The following SPX variants were observed in gnomAD, a reference collection of about 807,000 sequenced individuals.
SPX encodes the protein spexin hormone.
SPX carries 22 observed loss-of-function variants against 19.2 expected under a neutral mutation model. The ratio of observed to expected loss-of-function variants is 1.15; its 90% CI spans 0.82 to 1.64. The LOEUF is 1.64. SPX is among the 40% of genes most tolerant of loss of function. The pLI is 0.00. For synonymous variants in SPX, 50 were observed against 53.3 expected (o/e 0.94, Z 0.27); for missense variants, 143 against 137.7 (o/e 1.04, Z -0.19).
intron 5 of SPX, among the ~76,000 whole-genome samples, chr12:21,530,137 A>T (rs921676772): frequency 6.6e-6 from 1 of 152,340 alleles, no homozygotes; most frequent in South Asian, 2.1e-4. Flanking sequence ...TCTGAAGATG[A>T]AATGACTAAT....
rs112067025 is a variant in SPX at position 21,526,883 on chromosome 12, T to C, written c.7-3T>C. ...ACCCTTTCTGGTTGATCGCTTCATA[T>C]AGGGACTCAGAAGTCTGGCAGCAAC... is the stretch of plus-strand genomic sequence containing the variant. On this transcript the variant is annotated splice_region_variant and splice_polypyrimidine_tract_variant and intron_variant, in intron 1 of 5. Transcript: ENST00000256969. The C allele has an allele frequency of 6.8e-5, 110 of 1,613,974 alleles. 1 individual carries two copies. In the African/African-American group the frequency reaches 8.5e-4, roughly 13 times the overall value.
chr12:21,527,036 CCTT>C, intron 2 of SPX, 70 bp downstream of exon 2: 1 of 1,586,520 alleles, frequency 6.3e-7, no homozygotes, highest in Admixed American at 1.7e-5. Context: ...TTTCTTTCTT[CCTT>C]CTTGTTTTAT....
intron 3 of SPX, 161 bp from the exon 4 acceptor site, chr12:21,527,566 G>C (rs1374707039): frequency 1.4e-6 from 1 of 716,890 alleles, no homozygotes; most frequent in East Asian, 2.7e-5. Context: ...CCGGGGTTGC[G>C]CTGGGAGCGC....
intron 5 of SPX, 47 bp from the exon 6 acceptor site, chr12:21,531,090 A>T: frequency 8.6e-7 from 1 of 1,156,284 alleles, no homozygotes; most frequent in Non-Finnish European, 1.2e-6. Context: ...TTCCTCTATT[A>T]AAACGCAGAG....
At chr12:21,529,163 C>A in intron 5 of SPX, 79 bp downstream of exon 5, 2 of 1,367,478 alleles carry the variant, frequency 1.5e-6, no homozygotes, top group Admixed American at 1.8e-5. Flanking sequence ...GAGTGCAACA[C>A]CCCTCCCCCA....
At chr12:21,526,537 C>T in intron 1 of SPX, 59 bp downstream of exon 1, 8 of 1,476,274 alleles carry the variant, frequency 5.4e-6, no homozygotes, top group Non-Finnish European at 7.5e-6. Context: ...CGTTTTATAG[C>T]ATTTTACCTA....
At chr12:21,530,441 A>C (rs911650989) in intron 5 of SPX, among the ~76,000 whole-genome samples, 4 of 152,204 alleles carry the variant, frequency 2.6e-5, no homozygotes, top group African/African-American at 9.6e-5. Context: ...AACTAACTGA[A>C]AGAATGTGCT....
chr12:21,531,029 T>C (rs1342888563), intron 5 of SPX, 108 bp from the exon 6 acceptor site: 1 of 717,568 alleles, frequency 1.4e-6, no homozygotes, highest in African/African-American at 1.8e-5. Context: ...TAAGTTAACA[T>C]AGCTTAGAAG....
In SPX at chr12:21,526,316, TG is replaced by T; in HGVS notation, c.-156del. On this transcript the variant is annotated 5_prime_UTR_variant, in exon 1 of 6. Coordinates refer to ENST00000256969, the MANE Select transcript of SPX (RefSeq NM_030572.4). ...GAGTCATCAGATTCTCAATCTTGCTTGAAGACTGACAAGATGTCCCTGTGGA... is the reference window on the plus strand; with the variant it reads ...GAGTCATCAGATTCTCAATCTTGCTTAAGACTGACAAGATGTCCCTGTGGA... The T allele has an allele frequency of 1.8e-6, 1 of 560,614 alleles. No individual in the cohort carries two copies. Among genetic ancestry groups the T allele is most frequent in the Admixed American group, 3.1e-5 (1 of 31,746 alleles). 34.7% of individuals were successfully genotyped at this position (560,614 alleles called of 1,614,324 possible).
Position 21,526,367 on chromosome 12 carries a change from G to C in SPX, c.-106G>C, listed in dbSNP as rs532132415. On this transcript the variant is annotated 5_prime_UTR_variant, in exon 1 of 6. Coordinates refer to ENST00000256969, the MANE Select transcript of SPX (RefSeq NM_030572.4). ...ACTCCCAAACTCTACTCCAGATGGG[G>C]AGGTGCCCTTAACACCAAGATTTTA... The C allele has an allele frequency of 3.3e-5, 35 of 1,053,280 alleles. No homozygotes were observed. In the South Asian group the frequency reaches 5.1e-4, roughly 15 times the overall value. The allele number at this position is 1,053,280 out of a possible 1,614,324, so 65.2% of individuals were successfully genotyped here.
intron 5 of SPX, among the ~76,000 whole-genome samples, chr12:21,529,289 A>G (rs565440449): frequency 6.6e-6 from 1 of 152,240 alleles, no homozygotes; most frequent in South Asian, 2.1e-4. Context: ...CAGGTTTGAA[A>G]ACAGGAACTT....
At chr12:21,527,916 C>A in intron 4 of SPX, 127 bp downstream of exon 4, 2 of 1,079,448 alleles carry the variant, frequency 1.9e-6, no homozygotes, top group Non-Finnish European at 2.6e-6. Flanking sequence ...CTCTGAGGCG[C>A]CCTCAGATAC....
rs1363147225 is a variant in SPX at position 21,526,356 on chromosome 12, C to T, written c.-117C>T. The T allele has an allele frequency of 3.2e-6, 3 of 923,818 alleles. No individual in the cohort carries two copies. The highest frequency in any genetic ancestry group is 2.6e-5 in the East Asian group (1 of 38,854). The allele number at this position is 923,818 out of a possible 1,614,324, so 57.2% of individuals were successfully genotyped here. ...TGTCCCTGTGGACTCCCAAACTCTA[C>T]TCCAGATGGGGAGGTGCCCTTAACA... On this transcript the variant is annotated 5_prime_UTR_variant, in exon 1 of 6. Coordinates refer to ENST00000256969, the MANE Select transcript of SPX (RefSeq NM_030572.4).
chr12:21,527,714 C>A lies in SPX; in HGVS notation c.146-13C>A, dbSNP rs1295622519. 2 of 1,560,334 alleles carry A rather than the reference C, an allele frequency of 1.3e-6. No homozygotes were observed. The highest frequency in any genetic ancestry group is 1.7e-6 in the Non-Finnish European group (2 of 1,151,390). ...GCCAGGCTGTCGCTGAGCCCCAGGT[C>A]TCGTTTTTGCAGAGGGTCGCCGCTT... On this transcript the variant is annotated splice_polypyrimidine_tract_variant and intron_variant, in intron 3 of 5. Coordinates refer to ENST00000256969, the MANE Select transcript of SPX (RefSeq NM_030572.4).
At chr12:21,527,079 T>C (rs1490427418) in intron 2 of SPX, 56 bp from the exon 3 acceptor site, 4 of 1,594,398 alleles carry the variant, frequency 2.5e-6, no homozygotes, top group Admixed American at 3.3e-5. Flanking sequence ...TTTGCTGTAA[T>C]AGAGGACTGA....
rs774669278 is a variant in SPX, at chr12:21,528,994, T to C, written c.209-7T>C. ...AAGAGAATCTGTATACATTTTTGTT[T>C]CTGCAGAAAGACGAAGCCCAAATCC... On this transcript the variant is annotated splice_region_variant and splice_polypyrimidine_tract_variant and intron_variant, in intron 4 of 5. Transcript: ENST00000256969. The C allele has an allele frequency of 3.5e-5, 57 of 1,612,278 alleles. No homozygotes were observed. Among genetic ancestry groups the C allele is most frequent in the Middle Eastern group, 1.6e-4 (1 of 6,082 alleles).
chr12:21,529,048 A>G lies in SPX; in HGVS notation c.256A>G (p.Thr86Ala). The G allele has an allele frequency of 1.2e-6, 2 of 1,614,168 alleles. No homozygotes were observed. Among genetic ancestry groups the G allele is most frequent in the Non-Finnish European group, 1.7e-6 (2 of 1,180,024 alleles). ...PQLLTIPEAATILLASLQKSP... is the reference protein window; with the variant it reads ...PQLLTIPEAAAILLASLQKSP... Reference sequence around the variant, plus strand: ...ACTACTAACTATTCCGGAGGCAGCAACCATCTTACTGGCGTCCCTTCAGAA... The same window carrying G: ...ACTACTAACTATTCCGGAGGCAGCAGCCATCTTACTGGCGTCCCTTCAGAA... The change falls in exon 5 of 6, where the codon ACC (threonine) becomes GCC (alanine). Residue 86 changes from threonine to alanine, a missense_variant. Transcript: ENST00000256969.
intron 5 of SPX, 84 bp downstream of exon 5, chr12:21,529,168 C>T (rs1943841787): frequency 2.3e-6 from 3 of 1,325,036 alleles, no homozygotes; most frequent in Non-Finnish European, 3.2e-6. Context: ...CAACACCCCT[C>T]CCCCAGAATT....
At position 21,526,386 on chromosome 12, in the gene SPX, G is replaced by C; in HGVS notation, c.-87G>C. On this transcript the variant is annotated 5_prime_UTR_variant, in exon 1 of 6. Transcript: ENST00000256969. The stretch of plus-strand genomic sequence containing the variant: ...GATGGGGAGGTGCCCTTAACACCAA[G>C]ATTTTAAAAGCTCCAATTTCAGAGC... 7.1e-7 allele frequency: 1 copy of C among 1,409,994 alleles called. No individual in the cohort carries two copies. Among genetic ancestry groups the C allele is most frequent in the Non-Finnish European group, 9.7e-7 (1 of 1,027,082 alleles). 87.3% of individuals were successfully genotyped at this position (1,409,994 alleles called of 1,614,324 possible). A position where few individuals can be genotyped will look rare whatever the true frequency, so the allele number is the denominator to read the frequency against.
Sources: allele counts gnomAD v4.1 joint callset (sites outside exome capture counted in the v4.1 genomes callset), GRCh38; gene constraint gnomAD v4.1.1; transcripts MANE v1.5; gene names NCBI Gene and HGNC (gene_info 2026-07-23, HGNC 2026-07-21).